Variants in CEP128 observed in about 807,000 individuals in gnomAD.
The protein encoded by CEP128 is centrosomal protein 128kDa.
CEP128 carries 132 observed loss-of-function variants against 156.7 expected under a neutral mutation model. The observed-to-expected ratio is 0.84, with a 90% CI of 0.73 to 0.97. CEP128 has a LOEUF of 0.97. Ranked by LOEUF, CEP128 falls within the 50% of genes least tolerant of loss-of-function variation. The pLI is 0.00. For synonymous variants in CEP128, 469 were observed against 448.9 expected (o/e 1.04, Z -0.57); for missense variants, 1,252 against 1,281.9 (o/e 0.98, Z 0.36).
At chr14:80,753,496 C>T (rs1161805427) in intron 18 of CEP128, among the ~76,000 whole-genome samples, 1 of 152,194 alleles carries the variant, frequency 6.6e-6, no homozygotes, top group African/African-American at 2.4e-5. Flanking sequence ...TATTCTCTGT[C>T]ACAAAACAAT....
chr14:80,663,181 T>C (rs569894284), intron 19 of CEP128, among the ~76,000 whole-genome samples: 1 of 152,172 alleles, frequency 6.6e-6, no homozygotes, highest in Non-Finnish European at 1.5e-5. Context: ...GTCAGCCTCA[T>C]GTCAGAGGCA....
At chr14:80,677,327 T>A (rs28551658) in intron 19 of CEP128, among the ~76,000 whole-genome samples, 1 of 151,754 alleles carries the variant, frequency 6.6e-6, no homozygotes, top group East Asian at 1.9e-4. Flanking sequence ...CTGGCCAACA[T>A]GGTGAAATGC....
At chr14:80,896,509 GATT>G (rs1176619999) in intron 7 of CEP128, among the ~76,000 whole-genome samples, 9 of 152,108 alleles carry the variant, frequency 5.9e-5, no homozygotes, top group Non-Finnish European at 1.5e-5. Context: ...TCTAATTTCA[GATT>G]ATGTTATTAC....
intron 15 of CEP128, among the ~76,000 whole-genome samples, chr14:80,780,414 T>C (rs1901043667): frequency 6.6e-6 from 1 of 152,164 alleles, no homozygotes; most frequent in African/African-American, 2.4e-5. Context: ...GGTAAATTGT[T>C]TGGTTTCACA....
intron 19 of CEP128, among the ~76,000 whole-genome samples, chr14:80,629,646 A>G (rs1377447523): frequency 2.0e-5 from 3 of 152,050 alleles, no homozygotes; most frequent in Non-Finnish European, 4.4e-5. Context: ...CATTAATAAA[A>G]GGTGTAGTCT....
chr14:80,677,102 A>G (rs1290557735), intron 19 of CEP128, among the ~76,000 whole-genome samples: 2 of 152,224 alleles, frequency 1.3e-5, no homozygotes, highest in Non-Finnish European at 2.9e-5. Context: ...ATGTATAAAA[A>G]GTTTACTTCA....
At chr14:80,520,614 T>C (rs1888697149) in intron 23 of CEP128, among the ~76,000 whole-genome samples, 2 of 152,188 alleles carry the variant, frequency 1.3e-5, no homozygotes, top group African/African-American at 4.8e-5. Context: ...TTACTCAATT[T>C]TTTTTTCTTT....
chr14:80,555,388 T>C (rs1890388035), intron 21 of CEP128, among the ~76,000 whole-genome samples: 1 of 152,120 alleles, frequency 6.6e-6, no homozygotes, highest in Non-Finnish European at 1.5e-5. Flanking sequence ...ACAATAAATT[T>C]TGTCTGGTAG....
At chr14:80,873,457 C>A (rs1030364810) in intron 8 of CEP128, among the ~76,000 whole-genome samples, 1 of 152,180 alleles carries the variant, frequency 6.6e-6, no homozygotes, top group Admixed American at 6.5e-5. Context: ...ATTATGGGTT[C>A]TCTTGTCACG....
At chr14:80,496,469 C>G (rs2140165498), downstream of CEP128, 1 of 152,668 alleles carries the variant, frequency 6.6e-6, no homozygotes, top group East Asian at 1.9e-4. Flanking sequence ...TTAACAAACA[C>G]AAAATGTAAT....
rs535005689 is a variant in CEP128 at position 80,804,199 on chromosome 14, T to C, written c.1210-11089A>G. 3.4e-4 allele frequency among the ~76,000 whole-genome samples: 51 copies of C among 152,228 alleles called. 1 individual carries two copies. Among genetic ancestry groups the C allele is most frequent in the South Asian group, 3.3e-3 (16 of 4,820 alleles). ...AATTCATTTTAATATAAGTGTTTTG[T>C]TTATAAAACTTTGGTATGCACACAA... On this transcript the variant is annotated intron_variant, in intron 13 of 24. Transcript: ENST00000555265.
intron 19 of CEP128, among the ~76,000 whole-genome samples, chr14:80,644,819 C>CA (rs1174818966): frequency 6.6e-6 from 1 of 151,814 alleles, no homozygotes; most frequent in Non-Finnish European, 1.5e-5. Context: ...AATAAAGATA[C>CA]AAAAAAGGCA....
At chr14:80,913,077 T>C (rs919804713) in intron 4 of CEP128, among the ~76,000 whole-genome samples, 1 of 152,188 alleles carries the variant, frequency 6.6e-6, no homozygotes, top group African/African-American at 2.4e-5. Flanking sequence ...TCCAGAACTC[T>C]GGAGTACATT....
intron 22 of CEP128, among the ~76,000 whole-genome samples, chr14:80,530,546 T>C (rs1419350389): frequency 2.0e-5 from 3 of 152,206 alleles, no homozygotes; most frequent in Admixed American, 6.5e-5. Flanking sequence ...TTCTAAATTA[T>C]CATTAAAGTT....
At position 80,838,185 on chromosome 14, in the gene CEP128, A is replaced by G. The variant is rs987839052; in HGVS notation, c.924+19T>C. ...TGATTTAATGTAAAAGTATATTATA[A>G]TAACTTGCATAGACTTACCTGATGC... On this transcript the variant is annotated intron_variant, in intron 11 of 24. Transcript: ENST00000555265. The G allele has an allele frequency of 1.9e-6, 3 of 1,558,518 alleles. No individual in the cohort carries two copies. Among genetic ancestry groups the G allele is most frequent in the African/African-American group, 1.4e-5 (1 of 73,786 alleles).
intron 16 of CEP128, among the ~76,000 whole-genome samples, chr14:80,777,295 A>T (rs1346717843): frequency 6.6e-6 from 1 of 152,174 alleles, no homozygotes; most frequent in Admixed American, 6.5e-5. Flanking sequence ...ATGCCCTTAT[A>T]AAAGAGACCC....
intron 20 of CEP128, among the ~76,000 whole-genome samples, chr14:80,579,125 A>G (rs1007700683): frequency 1.3e-5 from 2 of 152,224 alleles, no homozygotes; most frequent in African/African-American, 2.4e-5. Flanking sequence ...CATATACTCA[A>G]TAAGTATGTT....
intron 19 of CEP128, among the ~76,000 whole-genome samples, chr14:80,599,188 C>G (rs1892471370): frequency 6.6e-6 from 1 of 151,576 alleles, no homozygotes; most frequent in African/African-American, 2.4e-5. Context: ...TTAATTAATT[C>G]CTCTTTGAGG....
intron 19 of CEP128, among the ~76,000 whole-genome samples, chr14:80,730,242 G>A (rs1222797424): frequency 6.6e-6 from 1 of 152,078 alleles, no homozygotes; most frequent in African/African-American, 2.4e-5. Flanking sequence ...TTTAAGAAAG[G>A]AATCCTTCCA....
Sources: allele counts gnomAD v4.1 joint callset (sites outside exome capture counted in the v4.1 genomes callset), GRCh38; gene constraint gnomAD v4.1.1; transcripts MANE v1.5; gene names NCBI Gene and HGNC (gene_info 2026-07-23, HGNC 2026-07-21).